Variants in RP1 observed in about 807,000 individuals in gnomAD.
RP1 encodes the protein RP1 axonemal microtubule associated.
Under a neutral mutation model 14.8 loss-of-function variants are expected in RP1, and 16 were observed. That is an observed-to-expected ratio of 1.08 (90% CI 0.73 to 1.65). RP1 has a LOEUF of 1.65. Ranked by LOEUF, RP1 falls within the 40% of genes most tolerant of loss-of-function variation. RP1 has a pLI of 0.00. For missense variants in RP1, 2,631 were observed against 2,535.0 expected (o/e 1.04, Z -0.81); for synonymous variants, 876 against 883.6 (o/e 0.99, Z 0.15).
At chr8:54,769,791 A>T in exon 23 of RP1, 1 of 1,533,604 alleles carries the variant, frequency 6.5e-7, no homozygotes, top group South Asian at 1.2e-5. Flanking sequence ...ATTGAACTTT[A>T]TCTTCAAGGT....
At chr8:54,765,617 C>T (rs973607385) in intron 22 of RP1, among the ~76,000 whole-genome samples, 2 of 152,200 alleles carry the variant, frequency 1.3e-5, no homozygotes, top group East Asian at 1.9e-4. Context: ...GAGTACGTTT[C>T]GCTTCTGTCT....
At chr8:54,865,739 T>C in intron 27 of RP1, 1 of 440,590 alleles carries the variant, frequency 2.3e-6, no homozygotes, top group Non-Finnish European at 3.8e-6. Flanking sequence ...ACATGTGTAC[T>C]TAAAAAGGAA....
chr8:54,636,087 G>A (rs763798262), intron 3 of RP1, among the ~76,000 whole-genome samples: 2 of 152,118 alleles, frequency 1.3e-5, no homozygotes, highest in Non-Finnish European at 2.9e-5. Context: ...TATGTTTTGC[G>A]CATTTCCATT....
rs116084992 is a variant in RP1, at chr8:54,827,016, C to T, written c.3616-10434C>T. ...TACGTATCTAAACAGAGAAAAGGTA[C>T]AGTAAAAATATGATATGAAAGATAA... On this transcript the variant is annotated intron_variant, in intron 24 of 28. Coordinates refer to the RP1 transcript ENST00000637698. 3.9e-3 allele frequency among the ~76,000 whole-genome samples: 588 copies of T among 152,112 alleles called. 5 individuals carry two copies. The highest frequency in any genetic ancestry group is 0.014 in the African/African-American group (564 of 41,486).
downstream of RP1, among the ~76,000 whole-genome samples, chr8:54,632,573 G>A (rs369444288): frequency 3.0e-4 from 46 of 152,282 alleles, no homozygotes; most frequent in East Asian, 3.7e-3. Context: ...GCATTTGAAG[G>A]CATTTAATTT....
chr8:54,732,505 A>G (rs1386690837), intron 17 of RP1, among the ~76,000 whole-genome samples: 1 of 152,206 alleles, frequency 6.6e-6, no homozygotes, highest in Non-Finnish European at 1.5e-5. Flanking sequence ...TGCCCAGCAA[A>G]TAATAGGAAC....
intron 24 of RP1, among the ~76,000 whole-genome samples, chr8:54,831,801 C>T (rs1811536127): frequency 1.3e-5 from 2 of 151,408 alleles, no homozygotes; most frequent in Admixed American, 6.6e-5. Flanking sequence ...TTCTCTTAAA[C>T]CTGAAGAACT....
chr8:54,560,104 G>A (rs1187931969), intron 1 of RP1, among the ~76,000 whole-genome samples: 4 of 152,180 alleles, frequency 2.6e-5, no homozygotes, highest in South Asian at 2.1e-4. Flanking sequence ...AGCTTGGGCT[G>A]TGGAGGCTGG....
At chr8:54,646,839 G>C (rs1249208187) in intron 3 of RP1, among the ~76,000 whole-genome samples, 1 of 152,010 alleles carries the variant, frequency 6.6e-6, no homozygotes, top group Non-Finnish European at 1.5e-5. Flanking sequence ...GAACTCTTTT[G>C]CTGCATTTCT....
intron 24 of RP1, among the ~76,000 whole-genome samples, chr8:54,807,813 G>T (rs901937409): frequency 6.6e-6 from 1 of 152,082 alleles, no homozygotes; most frequent in Non-Finnish European, 1.5e-5. Flanking sequence ...AAGAAAATCT[G>T]CAGTCCATGT....
chr8:54,812,966 A>G (rs1374024210), intron 24 of RP1, among the ~76,000 whole-genome samples: 2 of 152,228 alleles, frequency 1.3e-5, no homozygotes, highest in African/African-American at 2.4e-5. Context: ...CATCTGGCCA[A>G]CAGATTTTAT....
upstream of RP1, among the ~76,000 whole-genome samples, chr8:54,612,878 T>G (rs1805628833): frequency 6.6e-6 from 1 of 152,210 alleles, no homozygotes. Context: ...ACTTTTAGAT[T>G]TCTTCTCACG....
chr8:54,733,203 C>T (rs1209586273), intron 17 of RP1, among the ~76,000 whole-genome samples: 2 of 152,112 alleles, frequency 1.3e-5, no homozygotes, highest in African/African-American at 2.4e-5. Flanking sequence ...TGTGACTTGG[C>T]TATATTATTT....
Position 54,597,706 on chromosome 8 carries a change from A to T in RP1, c.-12-23249A>T, listed in dbSNP as rs1181339607. Among the ~76,000 whole-genome samples the T allele has an allele frequency of 3.9e-5, 6 of 152,306 alleles. No individual in the cohort carries two copies. The East Asian group carries it at 1.2e-3, about 29-fold the overall frequency. ...TGCTAAAACATAGTTGAACCTCAAA[A>T]ACATTATGCTAAATAAACAATGCCA... On this transcript the variant is annotated intron_variant, in intron 1 of 22. Coordinates refer to the RP1 transcript ENST00000636932.
At chr8:54,619,924 A>G (rs1422595806) in intron 1 of RP1, among the ~76,000 whole-genome samples, 3 of 152,198 alleles carry the variant, frequency 2.0e-5, no homozygotes, top group African/African-American at 7.2e-5. Flanking sequence ...TTGAACTTTA[A>G]AAACATTTCC....
chr8:54,731,081 A>T (rs1563360338), intron 17 of RP1, among the ~76,000 whole-genome samples: 1 of 152,152 alleles, frequency 6.6e-6, no homozygotes, highest in Non-Finnish European at 1.5e-5. Flanking sequence ...TTATGGCCAC[A>T]CTCTGATGGT....
At chr8:54,591,070 C>T (rs1268629518) in intron 1 of RP1, among the ~76,000 whole-genome samples, 1 of 152,180 alleles carries the variant, frequency 6.6e-6, no homozygotes, top group Admixed American at 6.5e-5. Flanking sequence ...CCTGGCTACA[C>T]ACCTCATGTA....
At chr8:54,680,039 G>A (rs1563345689) in intron 12 of RP1, 2 of 1,389,840 alleles carry the variant, frequency 1.4e-6, no homozygotes, top group Non-Finnish European at 1.9e-6. Context: ...TTTACAGATG[G>A]CTTTACACAA....
exon 25 of RP1, chr8:54,837,608 A>C: frequency 7.3e-6 from 9 of 1,232,086 alleles, no homozygotes; most frequent in Non-Finnish European, 8.1e-6. Flanking sequence ...CTGAGAATGA[A>C]AATGATGGCG....
Sources: allele counts gnomAD v4.1 joint callset (sites outside exome capture counted in the v4.1 genomes callset), GRCh38; gene constraint gnomAD v4.1.1; transcripts MANE v1.5; gene names NCBI Gene and HGNC (gene_info 2026-07-23, HGNC 2026-07-21).